Variants in SPOCK1 observed in about 807,000 individuals in gnomAD.
The protein encoded by SPOCK1 is SPARC (osteonectin), cwcv and kazal like domains proteoglycan 1.
In SPOCK1, 23 loss-of-function variants were observed where a neutral mutation model predicts 55.3. That is an observed-to-expected ratio of 0.42 (90% CI 0.30 to 0.59). SPOCK1 has a LOEUF of 0.59. Among genes scored for constraint, SPOCK1 ranks in the 20% least tolerant of loss-of-function variants. The pLI, the probability that SPOCK1 is intolerant of heterozygous loss-of-function variation, is 0.22. For synonymous variants in SPOCK1, 226 were observed against 221.0 expected (o/e 1.02, Z -0.20); for missense variants, 499 against 552.5 (o/e 0.90, Z 0.97).
At chr5:137,218,981 G>A (rs1003913746) in intron 3 of SPOCK1, among the ~76,000 whole-genome samples, 3 of 152,172 alleles carry the variant, frequency 2.0e-5, no homozygotes, top group African/African-American at 7.2e-5. Flanking sequence ...TCCCCACCAA[G>A]GCACTCCTTT....
At chr5:137,020,964 G>T (rs949536816) in intron 6 of SPOCK1, among the ~76,000 whole-genome samples, 1 of 152,064 alleles carries the variant, frequency 6.6e-6, no homozygotes, top group Admixed American at 6.6e-5. Flanking sequence ...AGCATCAGTG[G>T]AACAATGACT....
At chr5:137,253,630 T>C (rs1188094511) in intron 3 of SPOCK1, among the ~76,000 whole-genome samples, 1 of 152,170 alleles carries the variant, frequency 6.6e-6, no homozygotes, top group Non-Finnish European at 1.5e-5. Context: ...TGTCTACTCT[T>C]ACATGTACAC....
At chr5:137,127,265 G>C (rs1290582837) in intron 4 of SPOCK1, among the ~76,000 whole-genome samples, 1 of 152,250 alleles carries the variant, frequency 6.6e-6, no homozygotes, top group Non-Finnish European at 1.5e-5. Flanking sequence ...AAGAGCCACA[G>C]TGAGTACTAT....
At chr5:137,269,452 C>T (rs1756918405) in intron 2 of SPOCK1, among the ~76,000 whole-genome samples, 1 of 152,176 alleles carries the variant, frequency 6.6e-6, no homozygotes. Flanking sequence ...ATCATGAACA[C>T]ATGTGAAGGA....
At chr5:137,192,099 G>A (rs543301191) in intron 3 of SPOCK1, among the ~76,000 whole-genome samples, 15 of 151,760 alleles carry the variant, frequency 9.9e-5, no homozygotes, top group Non-Finnish European at 1.9e-4. Context: ...TTAGCTGGGC[G>A]TGGCGGCGTG....
intron 3 of SPOCK1, among the ~76,000 whole-genome samples, chr5:137,195,475 T>G (rs997235652): frequency 6.6e-6 from 1 of 152,240 alleles, no homozygotes. Flanking sequence ...AGCCATAAAA[T>G]GAGTTCTGAG....
At chr5:137,221,102 A>G (rs532842349) in intron 3 of SPOCK1, among the ~76,000 whole-genome samples, 2 of 152,332 alleles carry the variant, frequency 1.3e-5, no homozygotes, top group South Asian at 2.1e-4. Context: ...ATGTAGAAAC[A>G]TAAATGGGGG....
chr5:137,372,460 A>C (rs1180235846), intron 2 of SPOCK1, among the ~76,000 whole-genome samples: 1 of 152,200 alleles, frequency 6.6e-6, no homozygotes, highest in Non-Finnish European at 1.5e-5. Flanking sequence ...TTTAAAGAAA[A>C]TATCTTGACA....
intron 2 of SPOCK1, among the ~76,000 whole-genome samples, chr5:137,488,332 G>A (rs1294577306): frequency 3.9e-5 from 6 of 151,968 alleles, no homozygotes; most frequent in Non-Finnish European, 7.4e-5. Context: ...AGCTGAGATC[G>A]CGCCACTGCA....
chr5:137,255,011 T>G (rs1756607172), intron 3 of SPOCK1, among the ~76,000 whole-genome samples: 1 of 152,182 alleles, frequency 6.6e-6, no homozygotes, highest in Non-Finnish European at 1.5e-5. Flanking sequence ...GGCCAACCAT[T>G]CTTCCTGATA....
intron 2 of SPOCK1, among the ~76,000 whole-genome samples, chr5:137,454,004 G>A (rs1753313809): frequency 6.6e-6 from 1 of 151,716 alleles, no homozygotes; most frequent in Non-Finnish European, 1.5e-5. Flanking sequence ...GATGTACAAG[G>A]ATGTCACTAT....
At chr5:137,422,000 C>CA (rs1378298353) in intron 2 of SPOCK1, among the ~76,000 whole-genome samples, 3 of 152,166 alleles carry the variant, frequency 2.0e-5, no homozygotes, top group African/African-American at 7.2e-5. Context: ...CTGGTAGTGA[C>CA]AAAATCTCTC....
intron 3 of SPOCK1, 131 bp downstream of exon 3, chr5:137,266,879 T>C (rs963059020): frequency 1.4e-5 from 10 of 732,092 alleles, no homozygotes; most frequent in Admixed American, 7.3e-5. Flanking sequence ...CCCCAGTCAA[T>C]TCAGTCCCCA....
intron 2 of SPOCK1, among the ~76,000 whole-genome samples, chr5:137,430,263 C>A (rs1752715929): frequency 6.6e-6 from 1 of 152,186 alleles, no homozygotes; most frequent in South Asian, 2.1e-4. Context: ...TTAAACCTAC[C>A]TATAGCATTA....
At chr5:137,443,629 C>T (rs1753062794) in intron 2 of SPOCK1, among the ~76,000 whole-genome samples, 1 of 152,184 alleles carries the variant, frequency 6.6e-6, no homozygotes, top group Admixed American at 6.5e-5. Flanking sequence ...CAAACTTCAA[C>T]TGCACCCCTG....
At chr5:137,069,704 G>C (rs1057387684) in intron 5 of SPOCK1, among the ~76,000 whole-genome samples, 1 of 152,168 alleles carries the variant, frequency 6.6e-6, no homozygotes, top group African/African-American at 2.4e-5. Context: ...TGCCATGACC[G>C]GGCTGCCTCC....
At chr5:137,245,621 T>A (rs917861227) in intron 3 of SPOCK1, among the ~76,000 whole-genome samples, 1 of 152,256 alleles carries the variant, frequency 6.6e-6, no homozygotes, top group South Asian at 2.1e-4. Flanking sequence ...GGCTTCCGCT[T>A]TGCAAAGGTG....
intron 6 of SPOCK1, among the ~76,000 whole-genome samples, chr5:137,034,717 G>C (rs2126987582): frequency 6.6e-6 from 1 of 152,316 alleles, no homozygotes; most frequent in African/African-American, 2.4e-5. Context: ...GTTCCAGAGT[G>C]AACTATGAGG....
intron 3 of SPOCK1, among the ~76,000 whole-genome samples, chr5:137,160,582 A>ATG (rs1168642825): frequency 1.7e-5 from 1 of 58,916 alleles, no homozygotes; most frequent in African/African-American, 6.1e-5. Context: ...TATATAATAT[A>ATG]TATAATATAT....
Sources: gnomAD v4.1 joint callset for allele counts (sites outside exome capture counted in the v4.1 genomes callset) on GRCh38, gnomAD v4.1.1 for gene constraint, MANE v1.5 for transcripts, NCBI Gene and HGNC (gene_info 2026-07-23, HGNC 2026-07-21) for gene names.